Variants in GORAB observed in about 807,000 individuals in gnomAD.
GORAB encodes the protein golgin, RAB6 interacting.
Under a neutral mutation model 29.9 loss-of-function variants are expected in GORAB, and 17 were observed. The ratio of observed to expected loss-of-function variants is 0.57; its 90% CI spans 0.39 to 0.85. The LOEUF is 0.85. GORAB is among the 40% of genes least tolerant of loss of function. GORAB has a pLI of 0.00. For synonymous variants in GORAB, 183 were observed against 157.2 expected (o/e 1.16, Z -1.23); for missense variants, 442 against 437.8 (o/e 1.01, Z -0.09).
chr1:170,548,539 C>T (rs1649899845), intron 4 of GORAB, among the ~76,000 whole-genome samples: 1 of 152,166 alleles, frequency 6.6e-6, no homozygotes, highest in South Asian at 2.1e-4. Flanking sequence ...TGTCAGTTGT[C>T]TCCACTTTGC....
intron 4 of GORAB, 59 bp downstream of exon 4, chr1:170,544,904 G>C: frequency 6.3e-7 from 1 of 1,578,048 alleles, no homozygotes; most frequent in Non-Finnish European, 8.7e-7. Flanking sequence ...TTTATTGCCA[G>C]CTGTTCCAGG....
chr1:170,534,330 A>T (rs1053167230), intron 1 of GORAB, among the ~76,000 whole-genome samples: 15 of 152,216 alleles, frequency 9.9e-5, no homozygotes, highest in African/African-American at 3.6e-4. Flanking sequence ...ACTTATACAC[A>T]AATGTGCATT....
rs746474929 is a variant in GORAB, at chr1:170,539,472, G to A, written c.324G>A (p.Lys108=). 4 of 1,614,100 alleles carry A rather than the reference G, an allele frequency of 2.5e-6. No individual in the cohort carries two copies. Among genetic ancestry groups the A allele is most frequent in the South Asian group, 2.2e-5 (2 of 91,082 alleles). The change falls in exon 2 of 5, where the codon AAG becomes AAA. Residue 108 remains lysine (K), a synonymous_variant. Coordinates refer to ENST00000367763, the MANE Select transcript of GORAB (RefSeq NM_152281.3). ...GQPQGIESQP[K]ELGLENSHDG... ...CACAGGGCATTGAAAGTCAGCCAAA[G>A]GAACTGGGACTTGAGAATTCCCATG...
chr1:170,542,983 C>G (rs1274357611), intron 3 of GORAB, among the ~76,000 whole-genome samples: 1 of 152,158 alleles, frequency 6.6e-6, no homozygotes, highest in East Asian at 1.9e-4. Context: ...ATAAGGTTTT[C>G]TACATAAGTG....
intron 4 of GORAB, among the ~76,000 whole-genome samples, chr1:170,551,083 AGAG>A (rs1398006552): frequency 6.6e-6 from 1 of 152,198 alleles, no homozygotes; most frequent in Non-Finnish European, 1.5e-5. Context: ...TAAGAGTGTA[AGAG>A]GAGTAGTGGA....
chr1:170,532,285 G>A lies in GORAB; in HGVS notation c.61+1G>A. ...CTGAGGAGACTAAAGCAGACTAAAG[G>A]TTACAAGATGGGTTTACAGTGGTTT... On this transcript the variant is annotated splice_donor_variant, in intron 1 of 4. Coordinates refer to ENST00000367763, the MANE Select transcript of GORAB (RefSeq NM_152281.3). LOFTEE classifies it high-confidence loss of function. 6.2e-7 allele frequency: 1 copy of A among 1,614,068 alleles called. No homozygotes were observed. Among genetic ancestry groups the A allele is most frequent in the South Asian group, 1.1e-5 (1 of 91,076 alleles).
chr1:170,532,473 C>T (rs1648752696), intron 1 of GORAB, 189 bp downstream of exon 1: 2 of 632,322 alleles, frequency 3.2e-6, no homozygotes, highest in African/African-American at 1.8e-5. Flanking sequence ...GAGGGGCAAG[C>T]CAGAGGACTG....
intron 4 of GORAB, chr1:170,545,302 G>GATCT: frequency 1.0e-6 from 1 of 981,432 alleles, no homozygotes; most frequent in Non-Finnish European, 1.2e-6. Flanking sequence ...AGAGTAAGAG[G>GATCT]ATCTAGTTTA....
At chr1:170,548,247 T>C (rs1439020709) in intron 4 of GORAB, among the ~76,000 whole-genome samples, 1 of 152,250 alleles carries the variant, frequency 6.6e-6, no homozygotes, top group Non-Finnish European at 1.5e-5. Context: ...GCCTCCATAG[T>C]TATGTTGCTT....
In GORAB at chr1:170,538,289, T is replaced by C. The variant is rs1275476464; in HGVS notation, c.62-921T>C. Among the ~76,000 whole-genome samples the C allele has an allele frequency of 2.6e-5, 4 of 152,154 alleles. No individual in the cohort carries two copies. In the South Asian group the frequency reaches 6.2e-4, roughly 24 times the overall value. On this transcript the variant is annotated intron_variant, in intron 1 of 4. Coordinates refer to ENST00000367763, the MANE Select transcript of GORAB (RefSeq NM_152281.3). Reference sequence around the variant, plus strand: ...TGGGAAATTCAAATAATAAGCTTGTTTTGCTTCAAAAGTCAATATGCCAAA... The same window carrying C: ...TGGGAAATTCAAATAATAAGCTTGTCTTGCTTCAAAAGTCAATATGCCAAA...
At chr1:170,545,906 A>G (rs550518041) in intron 4 of GORAB, 2 of 202,674 alleles carry the variant, frequency 9.9e-6, no homozygotes, top group East Asian at 3.7e-4. Context: ...GCTGATAACC[A>G]GAGGTTCCAG....
At position 170,544,689 on chromosome 1, in the gene GORAB, A is replaced by C; in HGVS notation, c.522-16A>C. The C allele has an allele frequency of 6.2e-7, 1 of 1,612,874 alleles. No individual in the cohort carries two copies. Among genetic ancestry groups the C allele is most frequent in the Non-Finnish European group, 8.5e-7 (1 of 1,178,882 alleles). On this transcript the variant is annotated splice_polypyrimidine_tract_variant and intron_variant, in intron 3 of 4. Transcript: ENST00000367763. ...AAAATGTTCTTATTTTCCCACTCACATACCTGATTTTCTAGATCCAAAAGA... is the reference window on the plus strand; with the variant it reads ...AAAATGTTCTTATTTTCCCACTCACCTACCTGATTTTCTAGATCCAAAAGA...
rs536550166 is a variant in GORAB, at chr1:170,548,976, A to G, written c.663-3039A>G. 4.6e-5 allele frequency among the ~76,000 whole-genome samples: 7 copies of G among 152,310 alleles called. No individual in the cohort carries two copies. The South Asian group carries it at 1.2e-3, about 27-fold the overall frequency. On this transcript the variant is annotated intron_variant, in intron 4 of 4. Coordinates refer to ENST00000367763, the MANE Select transcript of GORAB (RefSeq NM_152281.3). Reference sequence around the variant, plus strand: ...GAAAAGATAAAAATTATGAAATGCTAATTTATACAAATAGTGAGAACTGCT... The same window carrying G: ...GAAAAGATAAAAATTATGAAATGCTGATTTATACAAATAGTGAGAACTGCT...
chr1:170,534,414 C>T (rs1435516542), intron 1 of GORAB, among the ~76,000 whole-genome samples: 1 of 152,160 alleles, frequency 6.6e-6, no homozygotes, highest in East Asian at 1.9e-4. Flanking sequence ...GTGGTCTTCA[C>T]AGCGCCAACT....
At chr1:170,545,182 T>C in intron 4 of GORAB, 1 of 1,018,766 alleles carries the variant, frequency 9.8e-7, no homozygotes. Context: ...TCTGAGTGGT[T>C]TCGCCAAAAC....
chr1:170,541,734 G>T (rs2101823959), intron 2 of GORAB, among the ~76,000 whole-genome samples: 1 of 152,288 alleles, frequency 6.6e-6, no homozygotes, highest in African/African-American at 2.4e-5. Flanking sequence ...CAGATTGTAA[G>T]ACAATACATG....
At chr1:170,537,162 T>C (rs1649113847) in intron 1 of GORAB, among the ~76,000 whole-genome samples, 3 of 152,284 alleles carry the variant, frequency 2.0e-5, no homozygotes, top group Middle Eastern at 3.4e-3. Flanking sequence ...TCTCTCTTTC[T>C]TTTATCCAAT....
chr1:170,537,494 G>T (rs957700055), intron 1 of GORAB, among the ~76,000 whole-genome samples: 2 of 151,930 alleles, frequency 1.3e-5, no homozygotes, highest in African/African-American at 4.8e-5. Context: ...AAACCTTTGT[G>T]GTTTAAAACC....
At chr1:170,546,048 CT>C (rs1166113502) in intron 4 of GORAB, among the ~76,000 whole-genome samples, 1 of 152,066 alleles carries the variant, frequency 6.6e-6, no homozygotes, top group African/African-American at 2.4e-5. Context: ...CCTTTGTAGC[CT>C]TTTATATGAA....
Sources: gnomAD v4.1 joint callset for allele counts (sites outside exome capture counted in the v4.1 genomes callset) on GRCh38, gnomAD v4.1.1 for gene constraint, MANE v1.5 for transcripts, NCBI Gene and HGNC (gene_info 2026-07-23, HGNC 2026-07-21) for gene names.